The following PRELID2 variants were observed in gnomAD, a reference collection of about 807,000 sequenced individuals.
PRELID2 encodes PRELI domain containing 2, also known as PRELI domain-containing protein 2.
A neutral mutation model predicts 28.4 loss-of-function variants in PRELID2; 25 were observed. The observed-to-expected ratio is 0.88, with a 90% CI of 0.64 to 1.23. The LOEUF (loss-of-function observed/expected upper bound fraction) is 1.23, where lower values mean the gene tolerates loss of function less well. Among genes scored for constraint, PRELID2 ranks in the 50% most tolerant of loss-of-function variants. The probability of loss-of-function intolerance (pLI) is 0.00; values close to 1 mark genes in which losing one functional copy is unlikely to be tolerated. For missense variants in PRELID2, 201 were observed against 214.4 expected (o/e 0.94, Z 0.39); for synonymous variants, 76 against 71.6 (o/e 1.06, Z -0.31).
Position 145,811,076 on chromosome 5 carries a change from A to G in PRELID2, c.368+6818T>C, listed in dbSNP as rs926433822. On this transcript the variant is annotated intron_variant, in intron 4 of 6. Coordinates refer to ENST00000683046, the MANE Select transcript of PRELID2 (RefSeq NM_205846.3). ...AGGCAAAAGGCACGTCTTACATGGCAGCAGGCAAAAAAAAAAAAAAAAAAA... is the reference window on the plus strand; with the variant it reads ...AGGCAAAAGGCACGTCTTACATGGCGGCAGGCAAAAAAAAAAAAAAAAAAA... Among the ~76,000 whole-genome samples the G allele has an allele frequency of 1.3e-4, 13 of 101,828 alleles. No individual in the cohort carries two copies. The East Asian group carries it at 3.9e-3, about 31-fold the overall frequency. 66.8% of individuals were successfully genotyped at this position (101,828 alleles called of 152,430 possible).
chr5:145,290,411 T>C, the PRELID2 span, among the ~76,000 whole-genome samples: 1 of 152,088 alleles, frequency 6.6e-6, no homozygotes, highest in African/African-American at 2.4e-5. Flanking sequence ...CATGGAATAC[T>C]ATGCAGCCAT....
At chr5:145,585,763 C>T (rs904787290) in intron 1 of PRELID2, among the ~76,000 whole-genome samples, 3 of 152,050 alleles carry the variant, frequency 2.0e-5, no homozygotes, top group Non-Finnish European at 4.4e-5. Context: ...AATGTCTCCC[C>T]TGCTTATTTG....
chr5:145,613,550 A>G (rs1231930136), intron 1 of PRELID2, among the ~76,000 whole-genome samples: 1 of 149,484 alleles, frequency 6.7e-6, no homozygotes, highest in Non-Finnish European at 1.5e-5. Flanking sequence ...TCAGCAAACT[A>G]TTGCAAGGAC....
chr5:145,811,417 T>C (rs1753931721), intron 4 of PRELID2, among the ~76,000 whole-genome samples: 1 of 152,064 alleles, frequency 6.6e-6, no homozygotes, highest in Admixed American at 6.6e-5. Context: ...GCCTCCTGAG[T>C]AGCTGGACTA....
At chr5:145,629,406 A>G (rs546400596) in intron 1 of PRELID2, among the ~76,000 whole-genome samples, 4 of 152,312 alleles carry the variant, frequency 2.6e-5, no homozygotes, top group African/African-American at 9.6e-5. Context: ...ACTTAATGAC[A>G]GATAAGGAGT....
chr5:145,626,379 T>G (rs978585733), intron 1 of PRELID2, among the ~76,000 whole-genome samples: 5 of 152,006 alleles, frequency 3.3e-5, no homozygotes, highest in African/African-American at 9.7e-5. Flanking sequence ...GAAGAGCTGT[T>G]TTTCAAAAGA....
chr5:145,548,404 T>A (rs1164220413), intron 1 of PRELID2, among the ~76,000 whole-genome samples: 2 of 152,238 alleles, frequency 1.3e-5, no homozygotes, highest in African/African-American at 4.8e-5. Flanking sequence ...TTGCTCTGTC[T>A]TTGGCCACAT....
the PRELID2 span, among the ~76,000 whole-genome samples, chr5:145,427,669 G>C: frequency 2.6e-5 from 4 of 151,532 alleles, no homozygotes; most frequent in South Asian, 8.4e-4. Context: ...CCCTCATAGA[G>C]TTTATAATCT....
chr5:145,671,612 T>TG (rs1280264606), intron 1 of PRELID2, among the ~76,000 whole-genome samples: 6 of 152,198 alleles, frequency 3.9e-5, no homozygotes, highest in African/African-American at 1.4e-4. Flanking sequence ...GCAGAGTCTA[T>TG]GGCATATAAA....
chr5:145,282,660 C>T, the PRELID2 span, among the ~76,000 whole-genome samples: 1 of 151,990 alleles, frequency 6.6e-6, no homozygotes, highest in Non-Finnish European at 1.5e-5. Flanking sequence ...CCTGGGATTA[C>T]AGGCACCTGC....
chr5:145,343,452 A>C, the PRELID2 span, among the ~76,000 whole-genome samples: 1 of 151,830 alleles, frequency 6.6e-6, no homozygotes, highest in Non-Finnish European at 1.5e-5. Flanking sequence ...AAATTAAAAC[A>C]AAAAGTTTAT....
the PRELID2 span, among the ~76,000 whole-genome samples, chr5:145,252,837 A>G: frequency 6.6e-6 from 1 of 152,274 alleles, no homozygotes; most frequent in African/African-American, 2.4e-5. Context: ...CTGTACATCT[A>G]AAGTCATATA....
At chr5:145,770,627 G>A (rs1465755334) in intron 5 of PRELID2, among the ~76,000 whole-genome samples, 1 of 152,126 alleles carries the variant, frequency 6.6e-6, no homozygotes, top group East Asian at 1.9e-4. Context: ...CTTTCCAATG[G>A]GACAAGATGT....
intron 1 of PRELID2, among the ~76,000 whole-genome samples, chr5:145,667,287 T>C (rs1226364428): frequency 6.6e-6 from 1 of 152,034 alleles, no homozygotes; most frequent in African/African-American, 2.4e-5. Context: ...CACACTGGCT[T>C]TATAGTTTTA....
the PRELID2 span, among the ~76,000 whole-genome samples, chr5:145,454,738 T>C: frequency 6.6e-6 from 1 of 152,232 alleles, no homozygotes; most frequent in African/African-American, 2.4e-5. Flanking sequence ...CCAGTGATTA[T>C]GAGCTTTTTT....
chr5:145,541,629 T>C (rs1191447550), intron 1 of PRELID2, among the ~76,000 whole-genome samples: 2 of 152,100 alleles, frequency 1.3e-5, no homozygotes, highest in East Asian at 1.9e-4. Flanking sequence ...ATATGCATTG[T>C]ATAGTTTTAT....
chr5:145,591,111 C>T (rs1480385829), intron 1 of PRELID2, among the ~76,000 whole-genome samples: 1 of 151,886 alleles, frequency 6.6e-6, no homozygotes, highest in Non-Finnish European at 1.5e-5. Context: ...GCCTTTGCAA[C>T]ATGGCGAGAC....
the PRELID2 span, among the ~76,000 whole-genome samples, chr5:145,284,445 G>A: frequency 1.8e-4 from 28 of 151,978 alleles, no homozygotes; most frequent in East Asian, 3.7e-3. Context: ...GTCACAGCCG[G>A]GCAAGAAATG....
chr5:145,750,668 G>A lies in PRELID2; in HGVS notation n.70+14263C>T, dbSNP rs114474261. Among the ~76,000 whole-genome samples, 1,398 of 152,214 alleles carry A rather than the reference G, an allele frequency of 9.2e-3. 15 individuals are homozygous for A. The highest frequency in any genetic ancestry group is 0.031 in the African/African-American group (1,286 of 41,510). On this transcript the variant is annotated intron_variant and non_coding_transcript_variant, in intron 1 of 2. Coordinates refer to the PRELID2 transcript ENST00000510259. ...TATTTGCCATTCTTAATAGAAATAT[G>A]TGCATTTTGTACACTTTAAAAAAGG...
Sources: gnomAD v4.1 joint callset for allele counts (sites outside exome capture counted in the v4.1 genomes callset) on GRCh38, gnomAD v4.1.1 for gene constraint, MANE v1.5 for transcripts, NCBI Gene and HGNC (gene_info 2026-07-23, HGNC 2026-07-21) for gene names.